AK1: variants seen among roughly 807,000 people sequenced by gnomAD.
The protein encoded by AK1 is adenylate kinase isoenzyme 1.
In AK1, 13 loss-of-function variants were observed where a neutral mutation model predicts 23.9. The observed-to-expected ratio is 0.54, with a 90% CI of 0.35 to 0.86. AK1 has a LOEUF of 0.86. AK1 is among the 40% of genes least tolerant of loss of function. The pLI is 0.01. For missense variants in AK1, 214 were observed against 255.1 expected (o/e 0.84, Z 1.10); for synonymous variants, 97 against 102.8 (o/e 0.94, Z 0.34).
At position 127,874,624 on chromosome 9, in the gene AK1, G is replaced by A. The variant is rs751806914; in HGVS notation, c.-7C>T. 1.6e-5 allele frequency: 26 copies of A among 1,613,590 alleles called. No homozygotes were observed. The highest frequency in any genetic ancestry group is 6.6e-5 in the South Asian group (6 of 91,066). The stretch of plus-strand genomic sequence containing the variant: ...GGAGGCTCATACCTTCCATCCTGCC[G>A]AGGTCCCGGGAGCCGTGTCAGTGCT... On this transcript the variant is annotated 5_prime_UTR_variant, in exon 2 of 7. Coordinates refer to ENST00000644144, the MANE Select transcript of AK1 (RefSeq NM_000476.3).
intron 4 of AK1, 110 bp from the exon 5 acceptor site, chr9:127,872,049 A>G: frequency 1.1e-6 from 1 of 925,474 alleles, no homozygotes; most frequent in South Asian, 1.3e-5. Context: ...CCCAACACAA[A>G]TGTCCCAAAC....
In AK1 at chr9:127,874,667, A is replaced by G. The variant is rs771551136; in HGVS notation, c.-32-18T>C. 1.2e-6 allele frequency: 2 copies of G among 1,611,478 alleles called. No homozygotes were observed. The highest frequency in any genetic ancestry group is 2.2e-5 in the East Asian group (1 of 44,846). On this transcript the variant is annotated intron_variant, in intron 1 of 6. Coordinates refer to ENST00000644144, the MANE Select transcript of AK1 (RefSeq NM_000476.3). ...TCAGTGCTCTGTAAGACAAGGGCACAGGTTGGGGAGGGATTTTCCTCCTCA... is the reference window on the plus strand; with the variant it reads ...TCAGTGCTCTGTAAGACAAGGGCACGGGTTGGGGAGGGATTTTCCTCCTCA...
intron 1 of AK1, among the ~76,000 whole-genome samples, chr9:127,876,837 C>A (rs913302776): frequency 6.6e-6 from 1 of 152,144 alleles, no homozygotes; most frequent in African/African-American, 2.4e-5. Flanking sequence ...AAGGCCCCAG[C>A]GACTCCTAAT....
Position 127,871,342 on chromosome 9 carries a change from T to G in AK1, c.324+481A>C, listed in dbSNP as rs1344022977. 6.6e-6 allele frequency among the ~76,000 whole-genome samples: 1 copy of G among 151,542 alleles called. No individual in the cohort carries two copies. Among genetic ancestry groups the G allele is most frequent in the East Asian group, 1.9e-4 (1 of 5,196 alleles). ...GCCTCCAGCCAGGCTGGAACCTCCC[T>G]TGTTGTCCTGCCCACATATTCTGTT... On this transcript the variant is annotated intron_variant, in intron 5 of 6. Coordinates refer to ENST00000644144, the MANE Select transcript of AK1 (RefSeq NM_000476.3). This position sits in a 1 kb window ranked among gnomAD's most constrained non-coding sequence, Gnocchi z 4.4.
upstream of AK1, chr9:127,879,575 A>G (rs759547165): frequency 6.9e-6 from 1 of 144,602 alleles, no homozygotes; most frequent in African/African-American, 2.5e-5. Flanking sequence ...GTGAGCCGAG[A>G]TCACGCCATT....
intron 5 of AK1, among the ~76,000 whole-genome samples, chr9:127,869,009 G>T (rs1829321042): frequency 6.6e-6 from 1 of 152,154 alleles, no homozygotes; most frequent in African/African-American, 2.4e-5. Flanking sequence ...GGTCTCCCAA[G>T]GGCCCCTGAG....
Position 127,877,481 on chromosome 9 carries a change from C to A in AK1, c.-33+142G>T. 1 of 153,682 alleles carries A rather than the reference C, an allele frequency of 6.5e-6. No homozygotes were observed. The highest frequency in any genetic ancestry group is 1.4e-5 in the Non-Finnish European group (1 of 69,094). 9.5% of individuals were successfully genotyped at this position (153,682 alleles called of 1,614,324 possible). A position where few individuals can be genotyped will look rare whatever the true frequency, so the allele number is the denominator to read the frequency against. On this transcript the variant is annotated intron_variant, in intron 1 of 6. Transcript: ENST00000644144. This position sits in a 1 kb window ranked among gnomAD's most constrained non-coding sequence, Gnocchi z 5.2. ...CCAGCGCCCGGGGAACACAGCCACG[C>A]AAACACACACGGATCACAACCACGG...
chr9:127,867,826 C>A lies in AK1; in HGVS notation c.*182G>T. Reference sequence around the variant, plus strand: ...ACTCCAACTGGAAGCAGAGAAAAAGCAGTAAAACCAAATGTCCTTAGAAAT... The same window carrying A: ...ACTCCAACTGGAAGCAGAGAAAAAGAAGTAAAACCAAATGTCCTTAGAAAT... On this transcript the variant is annotated 3_prime_UTR_variant, in exon 7 of 7. Coordinates refer to ENST00000644144, the MANE Select transcript of AK1 (RefSeq NM_000476.3). 1 of 623,582 alleles carries A rather than the reference C, an allele frequency of 1.6e-6. No individual in the cohort carries two copies. The highest frequency in any genetic ancestry group is 2.9e-6 in the Non-Finnish European group (1 of 349,582). The allele number at this position is 623,582 out of a possible 1,614,324, so 38.6% of individuals were successfully genotyped here. A position where few individuals can be genotyped will look rare whatever the true frequency, so the allele number is the denominator to read the frequency against.
rs950250709 is a variant in AK1, at chr9:127,873,518, C to T, written c.8-457G>A. 1.2e-5 allele frequency: 17 copies of T among 1,443,622 alleles called. No homozygotes were observed. In the African/African-American group the frequency reaches 1.4e-4, roughly 12 times the overall value. 89.4% of individuals were successfully genotyped at this position (1,443,622 alleles called of 1,614,324 possible). On this transcript the variant is annotated intron_variant, in intron 2 of 6. Transcript: ENST00000644144. ...TCAGGCCCTGGGCCGGCCCATCACCCGCCTCCCCCGGCAGTGGGGGCTTAG... is the reference window on the plus strand; with the variant it reads ...TCAGGCCCTGGGCCGGCCCATCACCTGCCTCCCCCGGCAGTGGGGGCTTAG...
At position 127,868,093 on chromosome 9, in the gene AK1, C is replaced by G; in HGVS notation, c.517-17G>C. ...AGCGTTGACCTGTGGGGAGATGGGC[C>G]GTGAGGGCTGAGTCACCAGGTGGAG... On this transcript the variant is annotated splice_polypyrimidine_tract_variant and intron_variant, in intron 6 of 6. Coordinates refer to ENST00000644144, the MANE Select transcript of AK1 (RefSeq NM_000476.3). The surrounding 1 kb of genome is among the most constrained non-coding windows in gnomAD (Gnocchi z 4.1). 6.2e-7 allele frequency: 1 copy of G among 1,613,748 alleles called. No homozygotes were observed. Among genetic ancestry groups the G allele is most frequent in the Non-Finnish European group, 8.5e-7 (1 of 1,179,730 alleles).
rs2131401746 is a variant in AK1 at position 127,871,846 on chromosome 9, G to T, written c.301C>A (p.Gln101Lys). Residue 101 changes from glutamine to lysine, a missense_variant, in exon 5 of 7, where the codon CAA becomes AAA. Transcript: ENST00000644144. The surrounding 1 kb of genome is among the most constrained non-coding windows in gnomAD (Gnocchi z 4.4). ...ACCCGTCGCTCAAACTCTTCTCCTT[G>T]CTGCACCTCCCGCGGGTAGCCATCA... The part of the protein sequence containing the change: ...LIDGYPREVQ[Q>K]GEEFERRIGQ... 6.2e-7 allele frequency: 1 copy of T among 1,614,078 alleles called. No individual in the cohort carries two copies. Among genetic ancestry groups the T allele is most frequent in the South Asian group, 1.1e-5 (1 of 91,078 alleles).
chr9:127,873,799 TC>T, intron 2 of AK1: 1 of 985,408 alleles, frequency 1.0e-6, no homozygotes. Flanking sequence ...CTCCCCCGCT[TC>T]CCAGGGAAAT....
In AK1 at chr9:127,867,576, A is replaced by G; in HGVS notation, c.*432T>C. On this transcript the variant is annotated 3_prime_UTR_variant, in exon 7 of 7. Coordinates refer to ENST00000644144, the MANE Select transcript of AK1 (RefSeq NM_000476.3). ...GGGCCAAGGCCACAGAGCAAGATGCAGAGGAGCCCAGGCTGGGACCGGTTC... is the reference window on the plus strand; with the variant it reads ...GGGCCAAGGCCACAGAGCAAGATGCGGAGGAGCCCAGGCTGGGACCGGTTC... The G allele has an allele frequency of 4.0e-6, 1 of 248,812 alleles. No individual in the cohort carries two copies. Among genetic ancestry groups the G allele is most frequent in the Non-Finnish European group, 8.0e-6 (1 of 125,530 alleles). 15.4% of individuals were successfully genotyped at this position (248,812 alleles called of 1,614,324 possible).
At chr9:127,876,923 A>G (rs1175840204) in intron 1 of AK1, among the ~76,000 whole-genome samples, 2 of 152,206 alleles carry the variant, frequency 1.3e-5, no homozygotes, top group African/African-American at 4.8e-5. Context: ...ATCACAAGAC[A>G]AGGCCAAGGC....
chr9:127,873,694 CT>C, intron 2 of AK1: 7 of 1,355,650 alleles, frequency 5.2e-6, no homozygotes, highest in Non-Finnish European at 6.6e-6. Flanking sequence ...CACAGCCCCA[CT>C]GGGCAGAGGG....
chr9:127,875,821 TC>T (rs1829525752), intron 1 of AK1, among the ~76,000 whole-genome samples: 1 of 150,630 alleles, frequency 6.6e-6, no homozygotes, highest in Non-Finnish European at 1.5e-5. Flanking sequence ...AACCCTCCCC[TC>T]CCCAGGCTCT....
chr9:127,873,063 T>C lies in AK1; in HGVS notation c.8-2A>G. The C allele has an allele frequency of 1.2e-6, 2 of 1,613,852 alleles. No homozygotes were observed. The highest frequency in any genetic ancestry group is 1.1e-5 in the South Asian group (1 of 91,036). On this transcript the variant is annotated splice_acceptor_variant, in intron 2 of 6. Coordinates refer to ENST00000644144, the MANE Select transcript of AK1 (RefSeq NM_000476.3). LOFTEE classifies it high-confidence loss of function. ...TGATCTTGGTTTTCTTCAGCTTCTC[T>C]GCGGGAGAGAAAAGGGGAGCAGGGC...
Position 127,877,444 on chromosome 9 carries a change from A to G in AK1, c.-33+179T>C, listed in dbSNP as rs1378164323. The stretch of plus-strand genomic sequence containing the variant: ...CGGATCCACAAAGGCACAGGCAGCG[A>G]GGCACAGATCCCCAGCGCCCGGGGA... On this transcript the variant is annotated intron_variant, in intron 1 of 6. Coordinates refer to ENST00000644144, the MANE Select transcript of AK1 (RefSeq NM_000476.3). The surrounding 1 kb of genome is among the most constrained non-coding windows in gnomAD (Gnocchi z 5.2). Among the ~76,000 whole-genome samples the G allele has an allele frequency of 6.6e-6, 1 of 152,120 alleles. No individual in the cohort carries two copies. The highest frequency in any genetic ancestry group is 1.5e-5 in the Non-Finnish European group (1 of 68,004).
chr9:127,873,824 G>A, intron 2 of AK1: 3 of 985,466 alleles, frequency 3.0e-6, no homozygotes, highest in Non-Finnish European at 3.6e-6. Context: ...GGACCAGGCT[G>A]TATCCCACCT....
Sources: gnomAD v4.1 joint callset for allele counts (sites outside exome capture counted in the v4.1 genomes callset) on GRCh38, gnomAD v4.1.1 for gene constraint, Gnocchi (gnomAD v3.1) non-coding constraint, MANE v1.5 for transcripts, NCBI Gene and HGNC (gene_info 2026-07-23, HGNC 2026-07-21) for gene names.